The following SMAD9 variants were observed in gnomAD, a reference collection of about 807,000 sequenced individuals.
SMAD9 encodes SMAD family member 9, also known as MAD homolog 9.
In SMAD9, 36 loss-of-function variants were observed where a neutral mutation model predicts 46.1. That is an observed-to-expected ratio of 0.78 (90% CI 0.60 to 1.03). The LOEUF (loss-of-function observed/expected upper bound fraction) is 1.03, where lower values mean the gene tolerates loss of function less well. Among genes scored for constraint, SMAD9 ranks in the 50% least tolerant of loss-of-function variants. The pLI, the probability that SMAD9 is intolerant of heterozygous loss-of-function variation, is 0.00. For synonymous variants in SMAD9, 245 were observed against 237.1 expected (o/e 1.03, Z -0.31); for missense variants, 572 against 599.8 (o/e 0.95, Z 0.48).
chr13:36,887,214 C>CTTTTTTTT (rs34299786), intron 1 of SMAD9, among the ~76,000 whole-genome samples: 1 of 65,564 alleles, frequency 1.5e-5, no homozygotes, highest in Non-Finnish European at 2.6e-5. Context: ...CTGACTAGAT[C>CTTTTTTTT]TTTTTTTTTT....
chr13:36,914,069 T>G (rs1350922011), intron 1 of SMAD9, among the ~76,000 whole-genome samples: 2 of 152,164 alleles, frequency 1.3e-5, no homozygotes, highest in Admixed American at 6.5e-5. Context: ...ACTAGGATCC[T>G]CTCAACTCAC....
intron 6 of SMAD9, chr13:36,851,968 G>A (rs1278151668): frequency 2.7e-5 from 26 of 973,370 alleles, no homozygotes; most frequent in Middle Eastern, 5.3e-4. Context: ...ACACAGACCC[G>A]GAAAAAAAAA....
At chr13:36,891,205 C>A (rs2058486580) in intron 1 of SMAD9, among the ~76,000 whole-genome samples, 1 of 152,056 alleles carries the variant, frequency 6.6e-6, no homozygotes. Context: ...GAGATTATTT[C>A]TAAAAAGCCC....
rs1240970622 is a variant in SMAD9, at chr13:36,872,717, G to C, written c.611C>G (p.Ala204Gly). The C allele has an allele frequency of 8.7e-6, 14 of 1,614,036 alleles. No homozygotes were observed. The highest frequency in any genetic ancestry group is 1.2e-5 in the Non-Finnish European group (14 of 1,180,008). Reference sequence around the variant, plus strand: ...ACTTCCTGGGGAGTGAGGGTAGCTGGCCGTGCACGGGGACTGGGAGAACGC... The same window carrying C: ...ACTTCCTGGGGAGTGAGGGTAGCTGCCCGTGCACGGGGACTGGGAGAACGC... ...SHAFSQSPCT[A>G]SYPHSPGSPS... Residue 204 changes from alanine to glycine, a missense_variant, in exon 3 of 7, where the codon GCC becomes GGC. Coordinates refer to ENST00000379826, the MANE Select transcript of SMAD9 (RefSeq NM_001127217.3).
At chr13:36,863,726 T>C (rs1027846809) in intron 5 of SMAD9, among the ~76,000 whole-genome samples, 2 of 152,054 alleles carry the variant, frequency 1.3e-5, no homozygotes, top group African/African-American at 4.8e-5. Flanking sequence ...TCTCTTTCTG[T>C]CTCTTCCCAG....
chr13:36,855,230 C>A (rs1222067205), intron 5 of SMAD9, among the ~76,000 whole-genome samples: 1 of 128,830 alleles, frequency 7.8e-6, no homozygotes, highest in African/African-American at 3.0e-5. Context: ...CCAGACTGGG[C>A]GACTGAGTGA....
chr13:36,908,910 GACTCTTGGTTTA>G (rs1354618976), intron 1 of SMAD9, among the ~76,000 whole-genome samples: 30 of 152,130 alleles, frequency 2.0e-4, no homozygotes, highest in Admixed American at 1.5e-3. Flanking sequence ...CCCAAATGAA[GACTCTTGGTTTA>G]CCAGGCAGCC....
intron 6 of SMAD9, 86 bp from the exon 7 acceptor site, chr13:36,848,905 GCCCACA>G: frequency 1.5e-6 from 2 of 1,354,052 alleles, no homozygotes. Context: ...GGGGCACAGA[GCCCACA>G]CCCCAGCGTA....
intron 5 of SMAD9, among the ~76,000 whole-genome samples, chr13:36,858,705 T>C (rs1402439934): frequency 6.6e-6 from 1 of 152,164 alleles, no homozygotes; most frequent in Admixed American, 6.5e-5. Flanking sequence ...ATAGAAAATT[T>C]AGAAAATACA....
intron 1 of SMAD9, among the ~76,000 whole-genome samples, chr13:36,918,950 A>G (rs1282246216): frequency 6.6e-6 from 1 of 152,190 alleles, no homozygotes; most frequent in Non-Finnish European, 1.5e-5. Context: ...CTTCTTGCTA[A>G]CCTACATTTC....
At chr13:36,864,891 C>T (rs1318767344) in intron 5 of SMAD9, among the ~76,000 whole-genome samples, 1 of 152,174 alleles carries the variant, frequency 6.6e-6, no homozygotes, top group Non-Finnish European at 1.5e-5. Context: ...ATCGAAGATA[C>T]CAACTATTCC....
intron 6 of SMAD9, chr13:36,852,315 G>GA: frequency 3.0e-6 from 3 of 985,184 alleles, no homozygotes; most frequent in Non-Finnish European, 3.6e-6. Context: ...TCCCTGGATG[G>GA]AATCATGGCA....
At chr13:36,875,626 G>GA (rs1345522215) in intron 2 of SMAD9, among the ~76,000 whole-genome samples, 1 of 152,160 alleles carries the variant, frequency 6.6e-6, no homozygotes, top group East Asian at 1.9e-4. Flanking sequence ...TTGACACAGC[G>GA]AATGTGTATG....
At chr13:36,913,708 CATAA>C (rs769415914) in intron 1 of SMAD9, among the ~76,000 whole-genome samples, 66 of 152,274 alleles carry the variant, frequency 4.3e-4, no homozygotes, top group Non-Finnish European at 6.5e-4. Flanking sequence ...CATTCATGTC[CATAA>C]ATGTTTGTCT....
Position 36,887,214 on chromosome 13 carries a change from C to CT in SMAD9, c.-186-7340dup, listed in dbSNP as rs34299786. 4.5e-3 allele frequency among the ~76,000 whole-genome samples: 295 copies of CT among 65,604 alleles called. 10 individuals are homozygous for CT. The highest frequency in any genetic ancestry group is 0.01 in the Middle Eastern group (1 of 98). 43.0% of individuals were successfully genotyped at this position (65,604 alleles called of 152,430 possible). ...AAGAAGTTAAATGATCTGACTAGAT[C>CT]TTTTTTTTTTTTTTTTTTTTTTTTT... On this transcript the variant is annotated intron_variant, in intron 1 of 6. Coordinates refer to ENST00000379826, the MANE Select transcript of SMAD9 (RefSeq NM_001127217.3).
At chr13:36,892,243 G>A (rs574615842) in intron 1 of SMAD9, among the ~76,000 whole-genome samples, 2 of 152,280 alleles carry the variant, frequency 1.3e-5, no homozygotes, top group East Asian at 3.9e-4. Context: ...AATGAAGTTG[G>A]TCATCGTGCA....
intron 5 of SMAD9, among the ~76,000 whole-genome samples, chr13:36,862,748 C>T (rs954740861): frequency 9.2e-5 from 14 of 152,184 alleles, no homozygotes; most frequent in Non-Finnish European, 1.8e-4. Context: ...TGTGTGAGTT[C>T]CAAGAATCTT....
chr13:36,860,409 G>T (rs1302407689), intron 5 of SMAD9, among the ~76,000 whole-genome samples: 1 of 150,638 alleles, frequency 6.6e-6, no homozygotes, highest in Non-Finnish European at 1.5e-5. Flanking sequence ...AGGGTTAATG[G>T]TTATCACTTA....
intron 1 of SMAD9, among the ~76,000 whole-genome samples, chr13:36,892,303 A>G (rs1452972299): frequency 6.6e-6 from 1 of 152,196 alleles, no homozygotes; most frequent in Non-Finnish European, 1.5e-5. Flanking sequence ...TAGATGAACA[A>G]GTAGATTTTT....
Sources: gnomAD v4.1 joint callset for allele counts (sites outside exome capture counted in the v4.1 genomes callset) on GRCh38, gnomAD v4.1.1 for gene constraint, MANE v1.5 for transcripts, NCBI Gene and HGNC (gene_info 2026-07-23, HGNC 2026-07-21) for gene names.